Variants in PRKAB2 observed in about 807,000 individuals in gnomAD.
The protein encoded by PRKAB2 is protein kinase AMP-activated non-catalytic subunit beta 2, also known as 5'-AMP-activated protein kinase subunit beta-2.
In PRKAB2, 18 loss-of-function variants were observed where a neutral mutation model predicts 29.8. The observed-to-expected ratio is 0.60, with a 90% CI of 0.42 to 0.89. The LOEUF (loss-of-function observed/expected upper bound fraction) is 0.89, where lower values mean the gene tolerates loss of function less well. Ranked by LOEUF, PRKAB2 falls within the 40% of genes least tolerant of loss-of-function variation. The pLI is 0.00. For synonymous variants in PRKAB2, 136 were observed against 125.9 expected (o/e 1.08, Z -0.54); for missense variants, 270 against 344.3 (o/e 0.78, Z 1.71).
chr1:147,166,679 A>G, intron 4 of PRKAB2, 61 bp from the exon 5 acceptor site: 1 of 1,591,824 alleles, frequency 6.3e-7, no homozygotes, highest in Non-Finnish European at 8.6e-7. Flanking sequence ...CTTCCATCCA[A>G]CCTTCCTCTT....
chr1:147,162,615 T>G (rs1654025882), intron 5 of PRKAB2, 42 bp from the exon 6 acceptor site: 2 of 1,558,408 alleles, frequency 1.3e-6, no homozygotes, highest in Non-Finnish European at 1.7e-6. Flanking sequence ...GTTGGAGAAT[T>G]AGCAAGAATG....
At chr1:147,166,816 A>T (rs782004626) in intron 4 of PRKAB2, 30 bp downstream of exon 4, 20 of 1,599,264 alleles carry the variant, frequency 1.3e-5, no homozygotes, top group Non-Finnish European at 1.6e-5. Flanking sequence ...CTGCTAAGTC[A>T]ATGGTTACCC....
intron 7 of PRKAB2, among the ~76,000 whole-genome samples, chr1:147,161,059 A>C (rs972226461): frequency 2.0e-5 from 3 of 152,120 alleles, no homozygotes; most frequent in Admixed American, 2.0e-4. Context: ...GTATTTTTAC[A>C]ATCTTCTCCA....
chr1:147,167,361 A>C (rs587612394), intron 3 of PRKAB2, among the ~76,000 whole-genome samples: 2 of 152,348 alleles, frequency 1.3e-5, no homozygotes, highest in African/African-American at 4.8e-5. Flanking sequence ...CATTCTGACA[A>C]CCAGTTAAAT....
At chr1:147,172,387 C>G in intron 1 of PRKAB2, 42 bp downstream of exon 1, 1 of 566,056 alleles carries the variant, frequency 1.8e-6, no homozygotes, top group Non-Finnish European at 3.0e-6. Context: ...ACCTCCCCCG[C>G]GTCCCCGCGC....
intron 5 of PRKAB2, among the ~76,000 whole-genome samples, chr1:147,164,049 A>G (rs1275741240): frequency 6.6e-6 from 1 of 151,884 alleles, no homozygotes; most frequent in African/African-American, 2.4e-5. Flanking sequence ...TGATCCTCCC[A>G]CCTCAGCCTT....
Position 147,167,831 on chromosome 1 carries a change from C to T in PRKAB2, c.259G>A (p.Gly87Ser). ...RPTVIRWSEG[G>S]KEVFISGSFN... ...GACCCAGAGATGAAGACCTCCTTGC[C>T]TCCTTCAGACCAGCGGATAACAGTG... Residue 87 changes from glycine to serine, a missense_variant, in exon 3 of 8, where the codon GGC (glycine) becomes AGC (serine). Physicochemically the swap from Gly to Ser is moderately conservative, Grantham distance 56 (BLOSUM62 0). This residue lies in a region of PRKAB2 where 228 missense variants were observed against 255.5 expected (regional missense o/e 0.89). Transcript: ENST00000254101. 6.2e-7 allele frequency: 1 copy of T among 1,614,146 alleles called. No individual in the cohort carries two copies. The highest frequency in any genetic ancestry group is 8.5e-7 in the Non-Finnish European group (1 of 1,180,012).
chr1:147,164,999 G>T (rs1553913495), intron 5 of PRKAB2, among the ~76,000 whole-genome samples: 1 of 152,150 alleles, frequency 6.6e-6, no homozygotes, highest in East Asian at 1.9e-4. Flanking sequence ...CTTATATGAT[G>T]AAAACAACAT....
At position 147,158,979 on chromosome 1, in the gene PRKAB2, G is replaced by A. The variant is rs1342152691; in HGVS notation, c.*586C>T. The A allele has an allele frequency of 2.6e-5, 4 of 152,406 alleles. No homozygotes were observed. Among genetic ancestry groups the A allele is most frequent in the Non-Finnish European group, 5.9e-5 (4 of 68,254 alleles). The allele number at this position is 152,406 out of a possible 1,614,324, so 9.4% of individuals were successfully genotyped here. On this transcript the variant is annotated 3_prime_UTR_variant, in exon 8 of 8. Coordinates refer to ENST00000254101, the MANE Select transcript of PRKAB2 (RefSeq NM_005399.5). ...GGGTCAGGTATGGGATCTGAAGGAGGCTATTAAAGGAAGAATGTGAAATGA... is the reference window on the plus strand; with the variant it reads ...GGGTCAGGTATGGGATCTGAAGGAGACTATTAAAGGAAGAATGTGAAATGA...
chr1:147,157,481 G>A lies in PRKAB2; in HGVS notation c.*2084C>T, dbSNP rs1056445789. 1 of 152,106 alleles carries A rather than the reference G, an allele frequency of 6.6e-6. No homozygotes were observed. The highest frequency in any genetic ancestry group is 1.5e-5 in the Non-Finnish European group (1 of 68,010). The allele number at this position is 152,106 out of a possible 1,614,324, so 9.4% of individuals were successfully genotyped here. A position where few individuals can be genotyped will look rare whatever the true frequency, so the allele number is the denominator to read the frequency against. ...CTGACGCATTTCACAAAAGCCTCAG[G>A]CCTGAAAGAAATCGAAGAGATCTCT... On this transcript the variant is annotated 3_prime_UTR_variant, in exon 8 of 8. Coordinates refer to ENST00000254101, the MANE Select transcript of PRKAB2 (RefSeq NM_005399.5).
At chr1:147,166,235 T>G (rs1226610485) in intron 5 of PRKAB2, among the ~76,000 whole-genome samples, 1 of 152,158 alleles carries the variant, frequency 6.6e-6, no homozygotes, top group Non-Finnish European at 1.5e-5. Flanking sequence ...TTAGTGATTA[T>G]AAAAGATAAC....
rs968901722 is a variant in PRKAB2 at position 147,155,995 on chromosome 1, A to C, written c.*3570T>G. On this transcript the variant is annotated 3_prime_UTR_variant, in exon 8 of 8. Transcript: ENST00000254101. ...GTGATTGGCACTTAAGGAGAGACAA[A>C]TGCTTAGATCCAAAGAGTTTTGAAA... is the stretch of plus-strand genomic sequence containing the variant. The C allele has an allele frequency of 6.6e-6, 1 of 152,144 alleles. No individual in the cohort carries two copies. The highest frequency in any genetic ancestry group is 6.6e-5 in the Admixed American group (1 of 15,252). The allele number at this position is 152,144 out of a possible 1,614,324, so 9.4% of individuals were successfully genotyped here.
At chr1:147,167,607 TA>T (rs367700618) in intron 3 of PRKAB2, among the ~76,000 whole-genome samples, 159 bp downstream of exon 3, 101 of 151,542 alleles carry the variant, frequency 6.7e-4, no homozygotes, top group African/African-American at 2.3e-3. Flanking sequence ...ACTATGAGGT[TA>T]AAAAAAAATC....
rs1654258532 is a variant in PRKAB2, at chr1:147,166,484, T to C, written c.538+14A>G. On this transcript the variant is annotated intron_variant, in intron 5 of 7. Transcript: ENST00000254101. ...GAAAGACACAGCAAGAGAGAGTAAA[T>C]AATACAAAATTACCTCTACAAGATG... 6.2e-7 allele frequency: 1 copy of C among 1,610,448 alleles called. No homozygotes were observed. Among genetic ancestry groups the C allele is most frequent in the Non-Finnish European group, 8.5e-7 (1 of 1,178,560 alleles).
At chr1:147,163,246 G>A (rs1553913281) in intron 5 of PRKAB2, among the ~76,000 whole-genome samples, 1 of 152,220 alleles carries the variant, frequency 6.6e-6, no homozygotes, top group African/African-American at 2.4e-5. Flanking sequence ...CACTGCTAGA[G>A]GGAATGTAAA....
rs1479335100 is a variant in PRKAB2 at position 147,156,957 on chromosome 1, C to G, written c.*2608G>C. 6.6e-6 allele frequency: 1 copy of G among 152,090 alleles called. No individual in the cohort carries two copies. The highest frequency in any genetic ancestry group is 2.4e-5 in the African/African-American group (1 of 41,402). The allele number at this position is 152,090 out of a possible 1,614,324, so 9.4% of individuals were successfully genotyped here. Reference sequence around the variant, plus strand: ...TTCTCAGCTCAGTCACTCTTCTCTTCCCCACAATTCCGAAACTATGTTGAA... The same window carrying G: ...TTCTCAGCTCAGTCACTCTTCTCTTGCCCACAATTCCGAAACTATGTTGAA... On this transcript the variant is annotated 3_prime_UTR_variant, in exon 8 of 8. Coordinates refer to ENST00000254101, the MANE Select transcript of PRKAB2 (RefSeq NM_005399.5).
chr1:147,167,974 C>T (rs782553013), intron 2 of PRKAB2, 41 bp from the exon 3 acceptor site: 19 of 1,569,068 alleles, frequency 1.2e-5, no homozygotes, highest in Admixed American at 1.9e-5. Context: ...AAACTGTGAC[C>T]CAAGAATTCT....
intron 2 of PRKAB2, among the ~76,000 whole-genome samples, chr1:147,171,203 G>C (rs1654542496): frequency 6.6e-6 from 1 of 152,206 alleles, no homozygotes; most frequent in Non-Finnish European, 1.5e-5. Context: ...TTCTCTTCCT[G>C]AAAGTCCTTG....
At position 147,172,014 on chromosome 1, in the gene PRKAB2, CT is replaced by C; in HGVS notation, c.130del (p.Ser44AlafsTer27). 6.2e-7 allele frequency: 1 copy of C among 1,600,448 alleles called. No individual in the cohort carries two copies. Among genetic ancestry groups the C allele is most frequent in the Non-Finnish European group, 8.5e-7 (1 of 1,174,362 alleles). On this transcript the variant is annotated frameshift_variant, in exon 2 of 8. Transcript: ENST00000254101. LOFTEE classifies it high-confidence loss of function. The part of the protein sequence containing the change: ...KIMVGSTDDP[S>X]VFSLPDSKLP... Reference sequence around the variant, plus strand: ...CTTGGAGTCAGGGAGGCTGAACACGCTGGGGTCGTCCGTACTCCCCACCATG... The same window carrying C: ...CTTGGAGTCAGGGAGGCTGAACACGCGGGGTCGTCCGTACTCCCCACCATG...
Sources: gnomAD v4.1 joint callset for allele counts (sites outside exome capture counted in the v4.1 genomes callset) on GRCh38, gnomAD v4.1.1 for gene constraint, gnomAD v4.1.1 regional missense constraint, MANE v1.5 for transcripts, NCBI Gene and HGNC (gene_info 2026-07-23, HGNC 2026-07-21) for gene names.